The following SPIDR variants were observed in gnomAD, a reference collection of about 807,000 sequenced individuals.
SPIDR encodes the protein DNA repair-scaffolding protein.
SPIDR carries 93 observed loss-of-function variants against 104.6 expected under a neutral mutation model. That is an observed-to-expected ratio of 0.89 (90% CI 0.75 to 1.06). The LOEUF is 1.06. SPIDR is among the 50% of genes least tolerant of loss of function. The pLI, the probability that SPIDR is intolerant of heterozygous loss-of-function variation, is 0.00. For missense variants in SPIDR, 1,154 were observed against 1,111.2 expected, an observed-to-expected ratio of 1.04 and a Z score of -0.55; for synonymous variants, 431 against 416.9, an observed-to-expected ratio of 1.03 and a Z score of -0.41.
intron 14 of SPIDR, among the ~76,000 whole-genome samples, chr8:47,709,337 AC>A (rs2081518438): frequency 6.6e-6 from 1 of 152,166 alleles, no homozygotes; most frequent in Non-Finnish European, 1.5e-5. Flanking sequence ...ACAGGGTTTC[AC>A]AATGTTAGCC....
intron 5 of SPIDR, 36 bp from the exon 6 acceptor site, chr8:47,396,340 A>G: frequency 6.7e-7 from 1 of 1,498,412 alleles, no homozygotes; most frequent in Non-Finnish European, 9.2e-7. Flanking sequence ...TATCCTTTGT[A>G]TTTAAAAATA....
At chr8:47,643,515 GTGTTGTTGT>G (rs33933986) in intron 10 of SPIDR, among the ~76,000 whole-genome samples, 6 of 148,908 alleles carry the variant, frequency 4.0e-5, no homozygotes, top group Non-Finnish European at 7.4e-5. Flanking sequence ...CACCTGGCTA[GTGTTGTTGT>G]TGTTGTTGTT....
chr8:47,685,912 T>A (rs1038699494), intron 11 of SPIDR, among the ~76,000 whole-genome samples: 2 of 151,720 alleles, frequency 1.3e-5, no homozygotes, highest in Non-Finnish European at 2.9e-5. Flanking sequence ...ATCCCAGCAC[T>A]TTGGGAGGCC....
intron 7 of SPIDR, among the ~76,000 whole-genome samples, chr8:47,425,980 C>CA (rs2066343772): frequency 6.6e-6 from 1 of 152,064 alleles, no homozygotes; most frequent in Non-Finnish European, 1.5e-5. Flanking sequence ...CACGGTGACT[C>CA]ACGCCTGTAA....
chr8:47,561,226 A>T (rs1428252107), intron 8 of SPIDR, among the ~76,000 whole-genome samples: 8 of 152,238 alleles, frequency 5.3e-5, no homozygotes, highest in Admixed American at 5.2e-4. Context: ...GAGTCTATGA[A>T]GTATCATGTC....
At chr8:47,305,561 C>T (rs2042956502) in intron 5 of SPIDR, among the ~76,000 whole-genome samples, 1 of 152,122 alleles carries the variant, frequency 6.6e-6, no homozygotes, top group South Asian at 2.1e-4. Context: ...AAATTTTGTA[C>T]TACATGGGAG....
intron 8 of SPIDR, among the ~76,000 whole-genome samples, chr8:47,549,748 G>A (rs1489762788): frequency 3.3e-5 from 5 of 152,130 alleles, no homozygotes; most frequent in Non-Finnish European, 4.4e-5. Context: ...TTCTTTTGCC[G>A]TGCAGAAGCT....
At chr8:47,484,359 G>T (rs1261330641) in intron 8 of SPIDR, among the ~76,000 whole-genome samples, 3 of 152,244 alleles carry the variant, frequency 2.0e-5, no homozygotes, top group Non-Finnish European at 4.4e-5. Context: ...TGAATTTGTT[G>T]GTAAAGCCTA....
intron 5 of SPIDR, among the ~76,000 whole-genome samples, chr8:47,382,818 A>T (rs1293774260): frequency 6.6e-6 from 1 of 152,198 alleles, no homozygotes; most frequent in Non-Finnish European, 1.5e-5. Flanking sequence ...TCCTATAAGT[A>T]TATGCCCGCA....
chr8:47,288,676 TTAGA>T (rs2039333798), intron 3 of SPIDR, among the ~76,000 whole-genome samples: 2 of 152,380 alleles, frequency 1.3e-5, no homozygotes, highest in South Asian at 2.1e-4. Flanking sequence ...TATTAGCTAT[TTAGA>T]TAGATATAGA....
chr8:47,681,896 G>A (rs2077137175), intron 11 of SPIDR, among the ~76,000 whole-genome samples: 1 of 152,112 alleles, frequency 6.6e-6, no homozygotes, highest in South Asian at 2.1e-4. Flanking sequence ...ACAGCAACCT[G>A]AGCAATATTA....
intron 10 of SPIDR, among the ~76,000 whole-genome samples, chr8:47,660,164 TA>T (rs2073873464): frequency 6.6e-6 from 1 of 152,274 alleles, no homozygotes; most frequent in African/African-American, 2.4e-5. Flanking sequence ...TTAAGAGTTT[TA>T]TTTTTTTATT....
intron 4 of SPIDR, among the ~76,000 whole-genome samples, chr8:47,292,983 T>A (rs1051559455): frequency 6.6e-5 from 10 of 152,240 alleles, no homozygotes; most frequent in African/African-American, 2.4e-4. Flanking sequence ...GGCTTCCTGT[T>A]GAGAAGGTTC....
At chr8:47,382,442 C>T (rs1307278261) in intron 5 of SPIDR, among the ~76,000 whole-genome samples, 1 of 152,132 alleles carries the variant, frequency 6.6e-6, no homozygotes, top group Non-Finnish European at 1.5e-5. Context: ...GAGATGGAAT[C>T]TCGCTCTGTT....
intron 8 of SPIDR, among the ~76,000 whole-genome samples, chr8:47,457,901 G>A (rs1406499608): frequency 6.6e-6 from 1 of 152,164 alleles, no homozygotes; most frequent in Non-Finnish European, 1.5e-5. Context: ...ATCAGTGGCT[G>A]TAAGTATTTG....
intron 10 of SPIDR, among the ~76,000 whole-genome samples, chr8:47,666,601 G>A (rs533414745): frequency 6.9e-4 from 105 of 152,240 alleles, no homozygotes; most frequent in African/African-American, 2.2e-3. Context: ...GTGCTAAATA[G>A]GGATAATAAT....
At position 47,565,414 on chromosome 8, in the gene SPIDR, A is replaced by G. The variant is rs1478588773; in HGVS notation, c.1098-30397A>G. Among the ~76,000 whole-genome samples, 3 of 152,224 alleles carry G rather than the reference A, an allele frequency of 2.0e-5. No individual in the cohort carries two copies. In the South Asian group the frequency reaches 6.2e-4, roughly 31 times the overall value. On this transcript the variant is annotated intron_variant, in intron 8 of 19. Transcript: ENST00000297423. Reference sequence around the variant, plus strand: ...ATCTAAGGAAATTCTTTTTATTTTAACATTTTAAAAGTGAAAATAAAGAAC... The same window carrying G: ...ATCTAAGGAAATTCTTTTTATTTTAGCATTTTAAAAGTGAAAATAAAGAAC...
chr8:47,691,581 T>G (rs907438885), intron 11 of SPIDR, among the ~76,000 whole-genome samples: 2 of 152,206 alleles, frequency 1.3e-5, no homozygotes, highest in East Asian at 3.8e-4. Flanking sequence ...GAAGAGGGTT[T>G]AAGTATGAAA....
intron 8 of SPIDR, among the ~76,000 whole-genome samples, chr8:47,555,244 A>G (rs2091179060): frequency 6.6e-6 from 1 of 152,216 alleles, no homozygotes; most frequent in South Asian, 2.1e-4. Flanking sequence ...GAATCCAGCC[A>G]TGCCACTTTA....
Sources: gnomAD v4.1 joint callset for allele counts (sites outside exome capture counted in the v4.1 genomes callset) on GRCh38, gnomAD v4.1.1 for gene constraint, MANE v1.5 for transcripts, NCBI Gene and HGNC (gene_info 2026-07-23, HGNC 2026-07-21) for gene names.